EDIL3: variants seen among roughly 807,000 people sequenced by gnomAD.
EDIL3 encodes the protein EGF-like repeat and discoidin I-like domain-containing protein 3.
Under a neutral mutation model 67.4 loss-of-function variants are expected in EDIL3, and 37 were observed. The ratio of observed to expected loss-of-function variants is 0.55; its 90% CI spans 0.42 to 0.72. EDIL3 has a LOEUF of 0.72. Among genes scored for constraint, EDIL3 ranks in the 30% least tolerant of loss-of-function variants. EDIL3 has a pLI of 0.00. For synonymous variants in EDIL3, 195 were observed against 196.3 expected (o/e 0.99, Z 0.05); for missense variants, 527 against 586.3 (o/e 0.90, Z 1.04).
chr5:84,282,892 CTG>C (rs144061669), intron 1 of EDIL3, among the ~76,000 whole-genome samples: 182 of 152,202 alleles, frequency 1.2e-3, no homozygotes, highest in African/African-American at 4.1e-3. Flanking sequence ...TATTCAGTAA[CTG>C]TTATTTCTTT....
chr5:84,033,752 G>T (rs1039930164), intron 9 of EDIL3, among the ~76,000 whole-genome samples: 2 of 138,422 alleles, frequency 1.4e-5, no homozygotes, highest in Non-Finnish European at 3.2e-5. Flanking sequence ...ATTTGGAAAA[G>T]AAATTCAAAG....
At chr5:84,102,349 T>C (rs1747382262) in intron 6 of EDIL3, among the ~76,000 whole-genome samples, 1 of 151,688 alleles carries the variant, frequency 6.6e-6, no homozygotes, top group Admixed American at 6.6e-5. Context: ...GTAAAAGCCA[T>C]CCAAAACGGG....
chr5:84,095,796 G>C (rs771442112), intron 6 of EDIL3, among the ~76,000 whole-genome samples: 2 of 152,170 alleles, frequency 1.3e-5, no homozygotes, highest in Non-Finnish European at 2.9e-5. Flanking sequence ...ATGAGGAGCT[G>C]AATGTTAATC....
intron 1 of EDIL3, among the ~76,000 whole-genome samples, chr5:84,283,162 G>T (rs909645560): frequency 2.6e-5 from 4 of 152,008 alleles, no homozygotes; most frequent in African/African-American, 9.7e-5. Flanking sequence ...TAAAAGAGCT[G>T]ACTATAAATG....
chr5:84,099,456 T>C (rs567289546), intron 6 of EDIL3, among the ~76,000 whole-genome samples: 32 of 152,244 alleles, frequency 2.1e-4, no homozygotes, highest in African/African-American at 7.5e-4. Context: ...TTGACAAACC[T>C]GACCAAAACA....
intron 9 of EDIL3, among the ~76,000 whole-genome samples, chr5:84,050,612 C>A (rs1746317317): frequency 6.6e-6 from 1 of 152,184 alleles, no homozygotes; most frequent in Admixed American, 6.5e-5. Context: ...GTCACTCCCA[C>A]CCTAATATTG....
chr5:84,014,354 A>G (rs1290006503), intron 9 of EDIL3, among the ~76,000 whole-genome samples: 2 of 152,200 alleles, frequency 1.3e-5, no homozygotes, highest in Non-Finnish European at 2.9e-5. Context: ...ACTTTTAAAA[A>G]GTCTTTGATC....
intron 4 of EDIL3, among the ~76,000 whole-genome samples, chr5:84,149,152 G>T (rs1196339889): frequency 6.6e-6 from 1 of 152,026 alleles, no homozygotes; most frequent in African/African-American, 2.4e-5. Flanking sequence ...GTCGACGGAG[G>T]CTAGTGTTTG....
In EDIL3 at chr5:84,160,819, C is replaced by CCTTTCCTTTT. The variant is rs1258829510; in HGVS notation, c.355+19573_355+19574insAAAAGGAAAG. ...CCTTTCCTTTCCTTTCCTTTCCTTT[C>CCTTTCCTTTT]CCTTTCCTTTTCCTTTCCTTTTCCT... On this transcript the variant is annotated intron_variant, in intron 4 of 10. Coordinates refer to ENST00000296591, the MANE Select transcript of EDIL3 (RefSeq NM_005711.5). Among the ~76,000 whole-genome samples, 303 of 69,112 alleles carry CCTTTCCTTTT rather than the reference C, an allele frequency of 4.4e-3. 11 individuals are homozygous for CCTTTCCTTTT. Among genetic ancestry groups the CCTTTCCTTTT allele is most frequent in the African/African-American group, 0.018 (284 of 15,946 alleles). 45.3% of individuals were successfully genotyped at this position (69,112 alleles called of 152,430 possible).
intron 9 of EDIL3, among the ~76,000 whole-genome samples, chr5:83,996,502 A>C (rs1745240873): frequency 6.6e-6 from 1 of 152,170 alleles, no homozygotes; most frequent in Non-Finnish European, 1.5e-5. Flanking sequence ...TTTGAGCAAG[A>C]AGCAGACATA....
chr5:84,159,747 A>G (rs1426820872), intron 4 of EDIL3, among the ~76,000 whole-genome samples: 4 of 152,064 alleles, frequency 2.6e-5, no homozygotes, highest in African/African-American at 7.2e-5. Context: ...CCCAATTGCA[A>G]TGGCTTCATG....
chr5:84,173,645 C>T (rs929704997), intron 4 of EDIL3, among the ~76,000 whole-genome samples: 25 of 152,166 alleles, frequency 1.6e-4, no homozygotes, highest in Non-Finnish European at 3.4e-4. Context: ...ACTCTCCAGA[C>T]TTGAGATGAG....
chr5:84,146,872 GT>G (rs1262292197), intron 4 of EDIL3, among the ~76,000 whole-genome samples: 1 of 151,824 alleles, frequency 6.6e-6, no homozygotes, highest in Non-Finnish European at 1.5e-5. Flanking sequence ...ATGTAAAAAT[GT>G]TTGAAAAATA....
At chr5:84,117,152 T>C (rs905561583) in intron 5 of EDIL3, among the ~76,000 whole-genome samples, 26 of 147,834 alleles carry the variant, frequency 1.8e-4, no homozygotes, top group African/African-American at 2.8e-4. Flanking sequence ...CTCAGCCTCC[T>C]GAGTAGCTGG....
chr5:84,052,438 G>A (rs1266961784), intron 9 of EDIL3, among the ~76,000 whole-genome samples: 1 of 138,934 alleles, frequency 7.2e-6, no homozygotes. Flanking sequence ...CATAATGACA[G>A]GATCAAATTC....
rs1418161315 is a variant in EDIL3 at position 84,137,360 on chromosome 5, A to G, written c.356-6T>C. 1.9e-6 allele frequency: 3 copies of G among 1,608,786 alleles called. No individual in the cohort carries two copies. The highest frequency in any genetic ancestry group is 2.5e-6 in the Non-Finnish European group (3 of 1,177,214). ...AACTTCGCATTCATTTATGTCTAAG[A>G]AAAACAGAAAGGACAGAGGAAGAGA... On this transcript the variant is annotated splice_polypyrimidine_tract_variant and splice_region_variant and intron_variant, in intron 4 of 10. Transcript: ENST00000296591.
intron 1 of EDIL3, among the ~76,000 whole-genome samples, chr5:84,255,912 G>C (rs1433426569): frequency 6.6e-6 from 1 of 152,134 alleles, no homozygotes; most frequent in Non-Finnish European, 1.5e-5. Context: ...AAATATGTTA[G>C]ATCAGGGAGG....
At chr5:84,367,979 T>C (rs1450849127) in intron 1 of EDIL3, among the ~76,000 whole-genome samples, 1 of 152,192 alleles carries the variant, frequency 6.6e-6, no homozygotes, top group Non-Finnish European at 1.5e-5. Context: ...ATAAGGTGAA[T>C]GGATTCCCAG....
At chr5:84,019,650 C>T (rs1745675231) in intron 9 of EDIL3, among the ~76,000 whole-genome samples, 1 of 152,072 alleles carries the variant, frequency 6.6e-6, no homozygotes, top group African/African-American at 2.4e-5. Flanking sequence ...GCTCATAATA[C>T]ACATTGCAAA....
Sources: gnomAD v4.1 joint callset for allele counts (sites outside exome capture counted in the v4.1 genomes callset) on GRCh38, gnomAD v4.1.1 for gene constraint, MANE v1.5 for transcripts, NCBI Gene and HGNC (gene_info 2026-07-23, HGNC 2026-07-21) for gene names.